The following HIVEP3 variants were observed in gnomAD, a reference collection of about 807,000 sequenced individuals.
HIVEP3 encodes HIVEP zinc finger 3.
A neutral mutation model predicts 152.8 loss-of-function variants in HIVEP3; 49 were observed. That is an observed-to-expected ratio of 0.32 (90% CI 0.26 to 0.41). HIVEP3 has a LOEUF of 0.41. Among genes scored for constraint, HIVEP3 ranks in the 10% least tolerant of loss-of-function variants. The pLI, the probability that HIVEP3 is intolerant of heterozygous loss-of-function variation, is 1.00. For synonymous variants in HIVEP3, 1,269 were observed against 1,289.0 expected, an observed-to-expected ratio of 0.98 and a Z score of 0.33; for missense variants, 2,790 against 3,103.3, an observed-to-expected ratio of 0.90 and a Z score of 2.40.
intron 1 of HIVEP3, among the ~76,000 whole-genome samples, chr1:41,925,433 A>T (rs566154505): frequency 2.0e-4 from 30 of 152,368 alleles, no homozygotes; most frequent in South Asian, 8.3e-4. Context: ...AAGAAAAATC[A>T]TAAGAGAAAA....
At chr1:41,543,224 T>G (rs982439109) in intron 5 of HIVEP3, 2 of 152,256 alleles carry the variant, frequency 1.3e-5, no homozygotes, top group Non-Finnish European at 2.9e-5. Flanking sequence ...ATTCAGCTCC[T>G]GCTCCTGCCT....
chr1:41,835,603 C>A (rs1035879397), intron 1 of HIVEP3, among the ~76,000 whole-genome samples: 16 of 152,218 alleles, frequency 1.1e-4, no homozygotes, highest in Non-Finnish European at 2.1e-4. Context: ...ATCTGCTCTT[C>A]CATGGTTAAC....
chr1:41,695,133 G>C (rs78723547), intron 2 of HIVEP3, among the ~76,000 whole-genome samples: 1 of 152,346 alleles, frequency 6.6e-6, no homozygotes, highest in East Asian at 1.9e-4. Flanking sequence ...CTACTGTCAG[G>C]CAGGGGGCAC....
intron 1 of HIVEP3, among the ~76,000 whole-genome samples, chr1:41,898,335 G>C (rs765960911): frequency 1.8e-4 from 28 of 152,300 alleles, no homozygotes; most frequent in African/African-American, 6.7e-4. Context: ...TCCCTGGAGG[G>C]GGAGGGGGCA....
intron 1 of HIVEP3, among the ~76,000 whole-genome samples, chr1:41,980,965 G>C (rs1011728067): frequency 3.3e-5 from 5 of 152,306 alleles, no homozygotes; most frequent in African/African-American, 1.2e-4. Flanking sequence ...GCCAGCAGGA[G>C]AGAAAGCAAG....
At chr1:41,547,190 G>A (rs745362491) in intron 5 of HIVEP3, among the ~76,000 whole-genome samples, 2 of 152,142 alleles carry the variant, frequency 1.3e-5, no homozygotes, top group African/African-American at 2.4e-5. Flanking sequence ...CCAGGCTTGC[G>A]GATTTAAACT....
rs1644400382 is a variant in HIVEP3 at position 41,581,196 on chromosome 1, C to G, written c.3602G>C (p.Gly1201Ala). 1 of 1,552,740 alleles carries G rather than the reference C, an allele frequency of 6.4e-7. No individual in the cohort carries two copies. The change falls in exon 4 of 9, where the codon GGC (glycine) becomes GCC (alanine). Residue 1201 changes from glycine (G) to alanine (A), a missense_variant. Transcript: ENST00000372583. This position sits in a 1 kb window ranked among gnomAD's most constrained non-coding sequence, Gnocchi z 4.5. ...LPLQPTVLHP[G>A]QLHLPQLMPH... ...CATGAGCTGGGGGAGATGGAGTTGG[C>G]CTGGGTGCAGAACAGTAGGCTGGAG...
intron 1 of HIVEP3, among the ~76,000 whole-genome samples, chr1:41,829,298 A>G (rs1642893598): frequency 6.6e-6 from 1 of 152,228 alleles, no homozygotes; most frequent in Non-Finnish European, 1.5e-5. Flanking sequence ...CACACCAAAA[A>G]TATCACATTG....
In HIVEP3 at chr1:41,580,942, G is replaced by C; in HGVS notation, c.3856C>G (p.Arg1286Gly). ...SPSTEYSSDIRLPPVAPPASS... is the reference protein window; with the variant it reads ...SPSTEYSSDIGLPPVAPPASS... ...GCTGGGGGAGCCACAGGGGGTAGCC[G>C]GATGTCACTGCTGTACTCTGTGCTG... The change falls in exon 4 of 9, where the codon CGG becomes GGG. Residue 1286 changes from arginine to glycine, a missense_variant. Arg to Gly is a moderately radical substitution (Grantham distance 125, BLOSUM62 -2). Coordinates refer to ENST00000372583, the MANE Select transcript of HIVEP3 (RefSeq NM_024503.5). The C allele has an allele frequency of 6.2e-7, 1 of 1,611,608 alleles. No individual in the cohort carries two copies. Among genetic ancestry groups the C allele is most frequent in the Non-Finnish European group, 8.5e-7 (1 of 1,178,974 alleles).
intron 1 of HIVEP3, among the ~76,000 whole-genome samples, chr1:41,985,889 T>C (rs1012479418): frequency 1.3e-5 from 2 of 152,170 alleles, no homozygotes; most frequent in African/African-American, 4.8e-5. Flanking sequence ...CTGGAAAACT[T>C]TCAGTGCAAG....
intron 1 of HIVEP3, among the ~76,000 whole-genome samples, chr1:41,982,438 A>G (rs1645298570): frequency 6.6e-6 from 1 of 152,236 alleles, no homozygotes; most frequent in Non-Finnish European, 1.5e-5. Context: ...ATGAACAGCT[A>G]CAGCCACAGC....
intron 1 of HIVEP3, among the ~76,000 whole-genome samples, chr1:41,751,741 G>A (rs148865681): frequency 0.015 from 2,226 of 152,228 alleles, 24 homozygotes; most frequent in Non-Finnish European, 0.019. Context: ...AAGTCATGGC[G>A]AGGCAGGAGA....
At chr1:41,597,654 A>C (rs945640137) in intron 3 of HIVEP3, among the ~76,000 whole-genome samples, 6 of 152,218 alleles carry the variant, frequency 3.9e-5, no homozygotes, top group African/African-American at 1.4e-4. Context: ...CCCTCAAGGC[A>C]GCCAGGCCAC....
In HIVEP3 at chr1:41,873,603, T is replaced by C. The variant is rs1008103055; in HGVS notation, c.-801+44810A>G. 1.3e-5 allele frequency among the ~76,000 whole-genome samples: 2 copies of C among 152,238 alleles called. No individual in the cohort carries two copies. The highest frequency in any genetic ancestry group is 4.8e-5 in the African/African-American group (2 of 41,464). ...AAGCTGAAATTAGATAAATTTAGGTTTTCTGTATTCTCGCTGACTTGTGTT... is the reference window on the plus strand; with the variant it reads ...AAGCTGAAATTAGATAAATTTAGGTCTTCTGTATTCTCGCTGACTTGTGTT... On this transcript the variant is annotated intron_variant, in intron 1 of 8. Coordinates refer to ENST00000372583, the MANE Select transcript of HIVEP3 (RefSeq NM_024503.5). The surrounding 1 kb of genome is among the most constrained non-coding windows in gnomAD (Gnocchi z 4.2).
intron 2 of HIVEP3, among the ~76,000 whole-genome samples, chr1:41,689,587 C>T (rs1433408276): frequency 1.3e-5 from 2 of 152,238 alleles, no homozygotes; most frequent in Non-Finnish European, 2.9e-5. Context: ...AGCCTTCTGA[C>T]ACTGTCCTCC....
Position 41,580,706 on chromosome 1 carries a change from C to T in HIVEP3, c.4092G>A (p.Lys1364=), listed in dbSNP as rs1644390402. ...ALPKFEEPPS[K]GTTVCGADVH... is the part of the protein sequence containing the mutation. ...CATCTGCACCACATACAGTCGTCCC[C>T]TTTGATGGGGGTTCCTCAAACTTGG... The change falls in exon 4 of 9, where the codon AAG becomes AAA. Residue 1364 remains lysine (K), a synonymous_variant. Transcript: ENST00000372583. 2 of 1,599,494 alleles carry T rather than the reference C, an allele frequency of 1.3e-6. No individual in the cohort carries two copies. The highest frequency in any genetic ancestry group is 1.7e-6 in the Non-Finnish European group (2 of 1,172,576).
At chr1:41,713,128 A>G (rs575594714) in intron 1 of HIVEP3, among the ~76,000 whole-genome samples, 8 of 152,340 alleles carry the variant, frequency 5.3e-5, no homozygotes, top group African/African-American at 1.9e-4. Flanking sequence ...AAAGGCCCCC[A>G]GGAGCCTATG....
At position 41,858,681 on chromosome 1, in the gene HIVEP3, G is replaced by C. The variant is rs933316563; in HGVS notation, c.-801+59732C>G. Among the ~76,000 whole-genome samples the C allele has an allele frequency of 5.3e-5, 8 of 152,286 alleles. No homozygotes were observed. In the East Asian group the frequency reaches 1.5e-3, roughly 29 times the overall value. On this transcript the variant is annotated intron_variant, in intron 1 of 8. Transcript: ENST00000372583. Reference sequence around the variant, plus strand: ...TTTTCCATAGAGCTTACAATCCAGCGGGTGAAACAGTGTCAGATAATGTCA... The same window carrying C: ...TTTTCCATAGAGCTTACAATCCAGCCGGTGAAACAGTGTCAGATAATGTCA...
intron 3 of HIVEP3, 105 bp from the exon 4 acceptor site, chr1:41,585,423 C>G (rs1468672813): frequency 2.5e-6 from 1 of 398,216 alleles, no homozygotes; most frequent in African/African-American, 2.1e-5. Flanking sequence ...CGGTGCCACA[C>G]CTGGCTGAGA....
Sources: gnomAD v4.1 joint callset for allele counts (sites outside exome capture counted in the v4.1 genomes callset) on GRCh38, gnomAD v4.1.1 for gene constraint, Gnocchi (gnomAD v3.1) non-coding constraint, MANE v1.5 for transcripts, NCBI Gene and HGNC (gene_info 2026-07-23, HGNC 2026-07-21) for gene names.